THADA: variants seen among roughly 807,000 people sequenced by gnomAD.
THADA encodes the protein THADA armadillo repeat containing, also known as tRNA (32-2'-O)-methyltransferase regulator THADA.
Under a neutral mutation model 219.8 loss-of-function variants are expected in THADA, and 213 were observed. The ratio of observed to expected loss-of-function variants is 0.97; its 90% CI spans 0.87 to 1.09. The LOEUF is 1.09. Ranked by LOEUF, THADA falls within the 50% of genes least tolerant of loss-of-function variation. THADA has a pLI of 0.00. For missense variants in THADA, 2,956 were observed against 2,311.3 expected (o/e 1.28, Z -5.72); for synonymous variants, 1,018 against 828.9 (o/e 1.23, Z -3.92).
intron 30 of THADA, among the ~76,000 whole-genome samples, chr2:43,336,954 G>A (rs886438759): frequency 3.3e-5 from 5 of 152,210 alleles, no homozygotes; most frequent in African/African-American, 9.7e-5. Context: ...TTGTGGCCAC[G>A]TGGGAATTTG....
chr2:43,549,844 T>C (rs147035367), intron 19 of THADA, among the ~76,000 whole-genome samples: 1,725 of 152,112 alleles, frequency 0.011, 39 homozygotes, highest in African/African-American at 0.039. Context: ...TATTTCCCCA[T>C]CATAATACAA....
chr2:43,234,426 C>A (rs1667789073), intron 36 of THADA, among the ~76,000 whole-genome samples: 1 of 152,140 alleles, frequency 6.6e-6, no homozygotes, highest in South Asian at 2.1e-4. Context: ...GTCCCCGTTC[C>A]CCATGCTGCT....
At chr2:43,375,933 G>T (rs914690851) in intron 29 of THADA, among the ~76,000 whole-genome samples, 2 of 152,190 alleles carry the variant, frequency 1.3e-5, no homozygotes, top group African/African-American at 4.8e-5. Context: ...CGTGAAATCA[G>T]TGTCAGTGTT....
intron 26 of THADA, among the ~76,000 whole-genome samples, chr2:43,465,584 T>C (rs976651624): frequency 1.6e-4 from 24 of 152,198 alleles, no homozygotes; most frequent in Non-Finnish European, 2.5e-4. Flanking sequence ...AGAGCAAGCC[T>C]GTCCCAAAGA....
intron 26 of THADA, among the ~76,000 whole-genome samples, chr2:43,452,922 C>A (rs1230186636): frequency 6.6e-6 from 1 of 152,134 alleles, no homozygotes; most frequent in Non-Finnish European, 1.5e-5. Context: ...ACCCTCCACC[C>A]ACCCCCAAAA....
chr2:43,264,241 A>G (rs1241453526), intron 36 of THADA, among the ~76,000 whole-genome samples: 1 of 151,284 alleles, frequency 6.6e-6, no homozygotes, highest in East Asian at 2.0e-4. Flanking sequence ...CTGCCCCTAC[A>G]TGTGAATAAT....
chr2:43,437,249 A>T (rs977804921), intron 26 of THADA, among the ~76,000 whole-genome samples: 5 of 152,348 alleles, frequency 3.3e-5, no homozygotes, highest in Non-Finnish European at 5.9e-5. Flanking sequence ...TAGACTTCCA[A>T]TCTACAGGTT....
intron 25 of THADA, among the ~76,000 whole-genome samples, chr2:43,491,706 T>C (rs1305721448): frequency 2.0e-5 from 3 of 152,156 alleles, no homozygotes; most frequent in Non-Finnish European, 4.4e-5. Flanking sequence ...AGGCTATACA[T>C]CTAGGTTTGT....
chr2:43,396,067 T>A (rs1301483841), intron 29 of THADA, among the ~76,000 whole-genome samples: 1 of 152,218 alleles, frequency 6.6e-6, no homozygotes, highest in Non-Finnish European at 1.5e-5. Context: ...GTCTCAAGTT[T>A]ACTTTCTAAC....
At chr2:43,526,334 A>G (rs1294691398) in intron 22 of THADA, among the ~76,000 whole-genome samples, 2 of 91,522 alleles carry the variant, frequency 2.2e-5, no homozygotes, top group Admixed American at 1.7e-4. Context: ...CAGTAAATCT[A>G]TTTCCAAGAC....
intron 12 of THADA, among the ~76,000 whole-genome samples, chr2:43,572,204 G>C (rs975846505): frequency 1.3e-5 from 2 of 152,066 alleles, no homozygotes; most frequent in Admixed American, 6.6e-5. Context: ...CTGGTTTCCT[G>C]GTTTCTTTCT....
chr2:43,456,821 T>G (rs1424189528), intron 26 of THADA, among the ~76,000 whole-genome samples: 1 of 152,132 alleles, frequency 6.6e-6, no homozygotes, highest in East Asian at 1.9e-4. Flanking sequence ...AAATTACAAT[T>G]AAGTTCAACA....
chr2:43,295,611 T>C (rs1375205971), intron 31 of THADA, among the ~76,000 whole-genome samples: 1 of 152,242 alleles, frequency 6.6e-6, no homozygotes, highest in Non-Finnish European at 1.5e-5. Flanking sequence ...GTGATACGCA[T>C]TTATAGCTAA....
At chr2:43,448,822 C>A (rs115796743) in intron 26 of THADA, among the ~76,000 whole-genome samples, 1 of 152,020 alleles carries the variant, frequency 6.6e-6, no homozygotes, top group Non-Finnish European at 1.5e-5. Context: ...AATCAGCAAA[C>A]CCTGAGAAAG....
chr2:43,241,102 AT>A (rs1396459102), intron 36 of THADA, among the ~76,000 whole-genome samples: 1 of 151,506 alleles, frequency 6.6e-6, no homozygotes, highest in East Asian at 2.0e-4. Context: ...TTTTATGTTT[AT>A]TTTTTTGAGA....
At chr2:43,323,212 G>T (rs1678950196) in intron 30 of THADA, among the ~76,000 whole-genome samples, 1 of 152,094 alleles carries the variant, frequency 6.6e-6, no homozygotes, top group Admixed American at 6.5e-5. Flanking sequence ...CATGATCATG[G>T]CTCACTGTAG....
At chr2:43,413,531 C>T (rs184029033) in intron 28 of THADA, among the ~76,000 whole-genome samples, 56 of 152,232 alleles carry the variant, frequency 3.7e-4, no homozygotes, top group Non-Finnish European at 1.5e-5. Context: ...CCTAATACTA[C>T]ATTTCTAGTT....
At chr2:43,438,180 T>C (rs1456914095) in intron 26 of THADA, among the ~76,000 whole-genome samples, 1 of 151,300 alleles carries the variant, frequency 6.6e-6, no homozygotes, top group East Asian at 2.0e-4. Context: ...CGGGCGCCTG[T>C]AGTCCCAGCT....
At chr2:43,417,594 A>C (rs1229015084) in intron 28 of THADA, among the ~76,000 whole-genome samples, 2 of 152,202 alleles carry the variant, frequency 1.3e-5, no homozygotes, top group African/African-American at 4.8e-5. Flanking sequence ...GAAATATCTC[A>C]AGAAAGCAAA....
Sources: gnomAD v4.1 joint callset for allele counts (sites outside exome capture counted in the v4.1 genomes callset) on GRCh38, gnomAD v4.1.1 for gene constraint, MANE v1.5 for transcripts, NCBI Gene and HGNC (gene_info 2026-07-23, HGNC 2026-07-21) for gene names.